Variants in NTM observed in about 807,000 individuals in gnomAD.
NTM encodes the protein IgLON family member 2.
A neutral mutation model predicts 42.1 loss-of-function variants in NTM; 13 were observed. The ratio of observed to expected loss-of-function variants is 0.31; its 90% CI spans 0.20 to 0.49. The LOEUF (loss-of-function observed/expected upper bound fraction) is 0.49, where lower values mean the gene tolerates loss of function less well. Ranked by LOEUF, NTM falls within the 20% of genes least tolerant of loss-of-function variation. The pLI is 0.99. For synonymous variants in NTM, 187 were observed against 179.2 expected (o/e 1.04, Z -0.35); for missense variants, 373 against 452.8 (o/e 0.82, Z 1.60).
intron 1 of NTM, among the ~76,000 whole-genome samples, chr11:131,569,911 C>A (rs898045856): frequency 2.0e-5 from 3 of 152,214 alleles, no homozygotes; most frequent in African/African-American, 7.2e-5. Context: ...CTAAGAAAGA[C>A]CTGGGCCTTC....
At chr11:132,174,744 C>T (rs919653672) in intron 3 of NTM, among the ~76,000 whole-genome samples, 45 of 152,152 alleles carry the variant, frequency 3.0e-4, no homozygotes, top group Admixed American at 4.6e-4. Flanking sequence ...AATTGATGGC[C>T]TCTCGGGGTT....
chr11:131,975,403 C>G (rs557541753), intron 2 of NTM, among the ~76,000 whole-genome samples: 146 of 152,266 alleles, frequency 9.6e-4, no homozygotes, highest in African/African-American at 3.5e-3. Flanking sequence ...TGGTCTCTAT[C>G]TCTTCACCTC....
chr11:132,265,820 C>T (rs754724690), intron 4 of NTM, among the ~76,000 whole-genome samples: 6 of 152,158 alleles, frequency 3.9e-5, no homozygotes, highest in East Asian at 1.9e-4. Flanking sequence ...TTCTTCTCCA[C>T]GTTTTATAGA....
chr11:132,164,174 G>T (rs1448630398), intron 3 of NTM, among the ~76,000 whole-genome samples: 3 of 152,194 alleles, frequency 2.0e-5, no homozygotes, highest in Admixed American at 2.0e-4. Flanking sequence ...CACCAAATGG[G>T]TTGGAAAAAT....
At chr11:132,125,500 G>C (rs1397078837) in intron 2 of NTM, among the ~76,000 whole-genome samples, 6 of 145,574 alleles carry the variant, frequency 4.1e-5, no homozygotes, top group African/African-American at 7.6e-5. Flanking sequence ...TGCGTGTGTG[G>C]TGTGGTGGTG....
At chr11:131,919,843 A>G (rs1473169682) in intron 2 of NTM, among the ~76,000 whole-genome samples, 8 of 152,178 alleles carry the variant, frequency 5.3e-5, no homozygotes, top group African/African-American at 1.4e-4. Flanking sequence ...TTTGGCAGAT[A>G]TACCATGTCT....
chr11:131,753,716 G>A (rs1485463275), intron 1 of NTM, among the ~76,000 whole-genome samples: 1 of 151,508 alleles, frequency 6.6e-6, no homozygotes, highest in Non-Finnish European at 1.5e-5. Context: ...CACAGGAAGG[G>A]GAACATCACA....
intron 1 of NTM, among the ~76,000 whole-genome samples, chr11:131,818,629 G>A (rs1379141541): frequency 6.6e-6 from 1 of 152,136 alleles, no homozygotes; most frequent in Non-Finnish European, 1.5e-5. Flanking sequence ...TCCAACAGAG[G>A]TACCATTCAT....
chr11:132,100,923 T>G (rs1051746783), intron 2 of NTM, among the ~76,000 whole-genome samples: 1 of 152,178 alleles, frequency 6.6e-6, no homozygotes, highest in Non-Finnish European at 1.5e-5. Context: ...CTTTTTCCAT[T>G]CAGTTATCAA....
At chr11:131,634,031 A>G (rs765801700) in intron 1 of NTM, among the ~76,000 whole-genome samples, 8 of 152,136 alleles carry the variant, frequency 5.3e-5, no homozygotes, top group Admixed American at 1.3e-4. Context: ...TATCTCTTCA[A>G]GGCTATGTTG....
At chr11:132,223,499 C>T (rs544581117) in intron 4 of NTM, among the ~76,000 whole-genome samples, 47 of 152,220 alleles carry the variant, frequency 3.1e-4, no homozygotes, top group African/African-American at 1.0e-3. Context: ...TATCAGGACC[C>T]AGCCGGCACG....
At chr11:131,936,678 C>T (rs2059254282) in intron 2 of NTM, among the ~76,000 whole-genome samples, 1 of 152,168 alleles carries the variant, frequency 6.6e-6, no homozygotes, top group Non-Finnish European at 1.5e-5. Context: ...CACATGCATA[C>T]ACACACAAAC....
chr11:131,685,734 A>T (rs890686017), intron 1 of NTM, among the ~76,000 whole-genome samples: 5 of 152,178 alleles, frequency 3.3e-5, no homozygotes, highest in African/African-American at 9.7e-5. Context: ...AGTAGCATTC[A>T]CTTGTTTATT....
At chr11:132,047,913 CTCAGTGTGGAGCTGGATTGCCCT>C (rs1271192120) in intron 2 of NTM, among the ~76,000 whole-genome samples, 1 of 152,182 alleles carries the variant, frequency 6.6e-6, no homozygotes, top group Non-Finnish European at 1.5e-5. Flanking sequence ...CGCTTGACAT[CTCAGTGTGGAGCTGGATTGCCCT>C]TCAATCCCTA....
At chr11:131,886,643 C>T (rs1450210957) in intron 1 of NTM, among the ~76,000 whole-genome samples, 3 of 152,150 alleles carry the variant, frequency 2.0e-5, no homozygotes, top group Non-Finnish European at 4.4e-5. Context: ...CTTCTGTTTC[C>T]CAGGTGCAGG....
chr11:132,285,847 T>A (rs557071084), intron 4 of NTM, among the ~76,000 whole-genome samples: 10 of 152,264 alleles, frequency 6.6e-5, no homozygotes, highest in Middle Eastern at 6.8e-3. Context: ...TCCACCAGGA[T>A]CTTTACAATT....
intron 2 of NTM, among the ~76,000 whole-genome samples, chr11:132,016,633 T>C (rs777746572): frequency 7.9e-5 from 12 of 152,024 alleles, no homozygotes; most frequent in Non-Finnish European, 1.5e-4. Context: ...TGTGAACGTA[T>C]GTTTTCATTT....
intron 1 of NTM, among the ~76,000 whole-genome samples, chr11:131,764,156 C>T (rs1448481821): frequency 2.0e-5 from 3 of 152,024 alleles, no homozygotes; most frequent in Admixed American, 1.3e-4. Context: ...AACATTACCA[C>T]TTGCTTTTTG....
intron 2 of NTM, among the ~76,000 whole-genome samples, chr11:132,009,232 A>G (rs1418350871): frequency 2.0e-5 from 3 of 152,176 alleles, no homozygotes; most frequent in Non-Finnish European, 4.4e-5. Flanking sequence ...TGCCTGCAAG[A>G]GTCCTGTAAG....
Sources: allele counts gnomAD v4.1 joint callset (sites outside exome capture counted in the v4.1 genomes callset), GRCh38; gene constraint gnomAD v4.1.1; transcripts MANE v1.5; gene names NCBI Gene and HGNC (gene_info 2026-07-23, HGNC 2026-07-21).